Variants in PRKG1 observed in about 807,000 individuals in gnomAD.
PRKG1 encodes cGMP-dependent protein kinase 1.
PRKG1 carries 35 observed loss-of-function variants against 88.1 expected under a neutral mutation model. The ratio of observed to expected loss-of-function variants is 0.40; its 90% confidence interval spans 0.30 to 0.53. PRKG1 has a LOEUF of 0.53. PRKG1 is among the 20% of genes least tolerant of loss of function. The probability of loss-of-function intolerance (pLI) is 0.59; values close to 1 mark genes in which losing one functional copy is unlikely to be tolerated. For missense variants in PRKG1, 540 were observed against 839.8 expected, an observed-to-expected ratio of 0.64 and a Z score of 4.41; for synonymous variants, 303 against 292.5, an observed-to-expected ratio of 1.04 and a Z score of -0.37.
chr10:51,527,661 A>G (rs546521189), intron 3 of PRKG1, among the ~76,000 whole-genome samples: 6 of 152,176 alleles, frequency 3.9e-5, no homozygotes, highest in Non-Finnish European at 8.8e-5. Context: ...GAGCGATTCA[A>G]TTTTCTAGCG....
intron 3 of PRKG1, chr10:51,699,685 C>CAAGCGGAACGA: frequency 2.0e-6 from 2 of 981,360 alleles, no homozygotes; most frequent in Non-Finnish European, 3.0e-6. Context: ...AATCGTTCCG[C>CAAGCGGAACGA]TTGCCTGTGG....
intron 3 of PRKG1, among the ~76,000 whole-genome samples, chr10:51,654,067 G>C (rs1816755969): frequency 6.6e-6 from 1 of 151,362 alleles, no homozygotes; most frequent in Non-Finnish European, 1.5e-5. Flanking sequence ...TGTTTCCTCT[G>C]CTTTTCGGGT....
At chr10:51,425,832 C>T (rs1223545107) in intron 2 of PRKG1, among the ~76,000 whole-genome samples, 3 of 152,178 alleles carry the variant, frequency 2.0e-5, no homozygotes, top group Non-Finnish European at 2.9e-5. Context: ...ATCTGTCTTC[C>T]AGCCATACAT....
intron 1 of PRKG1, among the ~76,000 whole-genome samples, chr10:51,086,174 G>A (rs550739208): frequency 7.2e-5 from 11 of 152,170 alleles, no homozygotes; most frequent in Non-Finnish European, 1.3e-4. Context: ...CTCATGGAAA[G>A]CAATGGCAAA....
intron 5 of PRKG1, among the ~76,000 whole-genome samples, chr10:51,966,855 A>G (rs554467670): frequency 2.0e-5 from 3 of 152,288 alleles, no homozygotes; most frequent in South Asian, 2.1e-4. Context: ...CAAAACCACA[A>G]TGACATACCA....
intron 1 of PRKG1, among the ~76,000 whole-genome samples, chr10:51,040,242 G>GTGTGTA (rs779260751): frequency 5.4e-4 from 79 of 146,038 alleles, no homozygotes; most frequent in Non-Finnish European, 8.9e-4. Context: ...TTGTGTGTGT[G>GTGTGTA]TGTGTGTGTG....
intron 3 of PRKG1, among the ~76,000 whole-genome samples, chr10:51,711,255 G>A (rs112980464): frequency 0.03 from 4,634 of 152,022 alleles, 232 homozygotes; most frequent in African/African-American, 0.098. Flanking sequence ...ACAGGCGCCC[G>A]CCACCACGCC....
At chr10:51,247,853 A>G (rs977706774) in intron 2 of PRKG1, among the ~76,000 whole-genome samples, 1 of 151,430 alleles carries the variant, frequency 6.6e-6, no homozygotes, top group Non-Finnish European at 1.5e-5. Flanking sequence ...ATTTTTTCCT[A>G]CTTTTGGCCA....
intron 5 of PRKG1, among the ~76,000 whole-genome samples, chr10:52,004,255 T>C (rs1250236282): frequency 6.6e-6 from 1 of 152,158 alleles, no homozygotes; most frequent in Admixed American, 6.6e-5. Flanking sequence ...TTTAATTATA[T>C]TTTCAAATGC....
chr10:51,583,448 C>T (rs191973862), intron 3 of PRKG1, among the ~76,000 whole-genome samples: 334 of 152,206 alleles, frequency 2.2e-3, no homozygotes, highest in African/African-American at 7.4e-3. Flanking sequence ...CTCTATTGCT[C>T]AGACCTAGAC....
At chr10:51,499,019 G>T (rs1360742523) in intron 3 of PRKG1, among the ~76,000 whole-genome samples, 1 of 152,086 alleles carries the variant, frequency 6.6e-6, no homozygotes, top group African/African-American at 2.4e-5. Context: ...GTTCTGTCAA[G>T]CTCTGACCTA....
At chr10:51,860,065 A>G (rs1226559353) in intron 4 of PRKG1, among the ~76,000 whole-genome samples, 3 of 152,142 alleles carry the variant, frequency 2.0e-5, no homozygotes, top group African/African-American at 7.2e-5. Flanking sequence ...GTTGCGGCAG[A>G]CATAGGGGAA....
rs9414848 is a variant in PRKG1 at position 51,171,348 on chromosome 10, A to G, written c.478+18018A>G. The stretch of plus-strand genomic sequence containing the variant: ...GAGCTCTCAAAATATGATGATTCAA[A>G]TAAGATTTAGGTTTCTTTCTCTACT... On this transcript the variant is annotated intron_variant, in intron 2 of 17. Transcript: ENST00000373980. Among the ~76,000 whole-genome samples the G allele has an allele frequency of 9.8e-3, 1,496 of 152,252 alleles. 34 individuals carry two copies. The highest frequency in any genetic ancestry group is 0.034 in the African/African-American group (1,408 of 41,568).
At chr10:51,515,053 C>A (rs1388208194) in intron 3 of PRKG1, among the ~76,000 whole-genome samples, 3 of 152,100 alleles carry the variant, frequency 2.0e-5, no homozygotes. Flanking sequence ...TTGGCAAATG[C>A]TTCCTGGGAA....
chr10:51,279,879 G>A (rs553844409), intron 2 of PRKG1, among the ~76,000 whole-genome samples: 3,826 of 152,214 alleles, frequency 0.025, 66 homozygotes, highest in Non-Finnish European at 0.038. Flanking sequence ...TTACATTTAA[G>A]TTTAATATTG....
intron 2 of PRKG1, among the ~76,000 whole-genome samples, chr10:51,298,613 A>G (rs1265452562): frequency 6.6e-6 from 1 of 152,224 alleles, no homozygotes; most frequent in Non-Finnish European, 1.5e-5. Flanking sequence ...CTTATTTTAT[A>G]AAACTATAAG....
chr10:51,310,494 G>A (rs1841156104), intron 2 of PRKG1, among the ~76,000 whole-genome samples: 1 of 152,216 alleles, frequency 6.6e-6, no homozygotes, highest in East Asian at 1.9e-4. Context: ...AAGGAGGAAT[G>A]TGTCCTGGCT....
chr10:51,637,086 A>G (rs540263753), intron 3 of PRKG1, among the ~76,000 whole-genome samples: 1 of 152,176 alleles, frequency 6.6e-6, no homozygotes, highest in African/African-American at 2.4e-5. Context: ...GTCATTTAAA[A>G]AACCCCATTA....
At chr10:51,230,510 G>T (rs1013338861) in intron 2 of PRKG1, among the ~76,000 whole-genome samples, 6 of 152,160 alleles carry the variant, frequency 3.9e-5, no homozygotes, top group Non-Finnish European at 7.3e-5. Flanking sequence ...GTAAGAATTA[G>T]ATACACTCGT....
Sources: gnomAD v4.1 joint callset for allele counts (sites outside exome capture counted in the v4.1 genomes callset) on GRCh38, gnomAD v4.1.1 for gene constraint, MANE v1.5 for transcripts, NCBI Gene and HGNC (gene_info 2026-07-23, HGNC 2026-07-21) for gene names.